The following KMT5B variants were observed in gnomAD, a reference collection of about 807,000 sequenced individuals.
KMT5B encodes lysine methyltransferase 5B, also known as histone-lysine N-methyltransferase KMT5B.
A neutral mutation model predicts 83.2 loss-of-function variants in KMT5B; 10 were observed. The ratio of observed to expected loss-of-function variants is 0.12; its 90% CI spans 0.07 to 0.20. KMT5B has a LOEUF of 0.20. Among genes scored for constraint, KMT5B ranks in the 10% least tolerant of loss-of-function variants. The probability of loss-of-function intolerance (pLI) is 1.00; values close to 1 mark genes in which losing one functional copy is unlikely to be tolerated. For missense variants in KMT5B, 753 were observed against 1,067.2 expected, an observed-to-expected ratio of 0.71 and a Z score of 4.10; for synonymous variants, 349 against 388.8, an observed-to-expected ratio of 0.90 and a Z score of 1.20.
At chr11:68,199,836 C>T (rs544339643) in intron 1 of KMT5B, among the ~76,000 whole-genome samples, 5 of 152,216 alleles carry the variant, frequency 3.3e-5, no homozygotes, top group South Asian at 2.1e-4. Context: ...CGCTGATAGT[C>T]GGGAACTGCT....
intron 10 of KMT5B, 199 bp downstream of exon 10, chr11:68,166,783 G>C: frequency 1.4e-6 from 2 of 1,412,748 alleles, no homozygotes; most frequent in Middle Eastern, 2.6e-4. Context: ...ATAGTCTAGA[G>C]GACGGTACTG....
upstream of KMT5B, chr11:68,213,638 G>C (rs1258200215): frequency 6.5e-6 from 1 of 153,790 alleles, no homozygotes; most frequent in African/African-American, 2.4e-5. Flanking sequence ...GCCGCCCCCG[G>C]TGAGCCGCCT....
chr11:68,211,229 C>CA (rs1210145902), intron 1 of KMT5B, among the ~76,000 whole-genome samples: 1 of 152,210 alleles, frequency 6.6e-6, no homozygotes, highest in Non-Finnish European at 1.5e-5. Flanking sequence ...CTCTCCCTGT[C>CA]AGAGTCCGCT....
In KMT5B at chr11:68,206,060, T is replaced by C. The variant is rs190691984; in HGVS notation, c.-77+7078A>G. Among the ~76,000 whole-genome samples, 807 of 152,336 alleles carry C rather than the reference T, an allele frequency of 5.3e-3. 11 individuals carry two copies. Among genetic ancestry groups the C allele is most frequent in the African/African-American group, 0.019 (770 of 41,576 alleles). On this transcript the variant is annotated intron_variant, in intron 1 of 10. Transcript: ENST00000304363. ...CAATACGTATTTACGACGAGGGATG[T>C]CATGTAAGAAAGACTTCATGTCTTC...
chr11:68,196,995 G>A lies in KMT5B; in HGVS notation c.-76-6843C>T, dbSNP rs535066783. Among the ~76,000 whole-genome samples the A allele has an allele frequency of 4.6e-5, 7 of 150,664 alleles. No individual in the cohort carries two copies. The South Asian group carries it at 1.1e-3, about 23-fold the overall frequency. ...CTTTTTTTTTTTCTTTTTTTGAGAC[G>A]GAGTCTCGCACTGTCCCCAAGTTAG... On this transcript the variant is annotated intron_variant, in intron 1 of 10. Coordinates refer to ENST00000304363, the MANE Select transcript of KMT5B (RefSeq NM_017635.5).
chr11:68,185,370 A>G (rs956760906), intron 3 of KMT5B, among the ~76,000 whole-genome samples: 18 of 151,686 alleles, frequency 1.2e-4, no homozygotes, highest in South Asian at 8.3e-4. Context: ...CTGCCTGGCT[A>G]ATTTTTTTTG....
rs551061144 is a variant in KMT5B, at chr11:68,155,340, A to C, written c.*2348T>G. The C allele has an allele frequency of 3.3e-5, 5 of 152,332 alleles. No homozygotes were observed. In the East Asian group the frequency reaches 9.6e-4, roughly 29 times the overall value. 9.4% of individuals were successfully genotyped at this position (152,332 alleles called of 1,614,324 possible). On this transcript the variant is annotated 3_prime_UTR_variant, in exon 11 of 11. Transcript: ENST00000304363. ...AACAGTGGCTGCTGAGTGCTTGTGCATACCGACTCCTGAGAGGCAGTGATT... is the reference window on the plus strand; with the variant it reads ...AACAGTGGCTGCTGAGTGCTTGTGCCTACCGACTCCTGAGAGGCAGTGATT...
intron 1 of KMT5B, among the ~76,000 whole-genome samples, chr11:68,194,169 G>A (rs980939299): frequency 3.3e-5 from 5 of 151,194 alleles, no homozygotes; most frequent in African/African-American, 1.2e-4. Flanking sequence ...CTAGCACTTC[G>A]GGAGAGCATC....
chr11:68,156,469 AT>A lies in KMT5B; in HGVS notation c.*1218del, dbSNP rs542409487. 6.5e-6 allele frequency: 1 copy of A among 152,684 alleles called. No homozygotes were observed. Among genetic ancestry groups the A allele is most frequent in the African/African-American group, 2.4e-5 (1 of 41,468 alleles). The allele number at this position is 152,684 out of a possible 1,614,324, so 9.5% of individuals were successfully genotyped here. ...TTTAACTGATAATATAGTCAAAAAA[AT>A]CTTTGATGTTTTCATAATAAACTAA... On this transcript the variant is annotated 3_prime_UTR_variant, in exon 11 of 11. Transcript: ENST00000304363.
intron 10 of KMT5B, among the ~76,000 whole-genome samples, chr11:68,161,864 G>A (rs1489855611): frequency 3.3e-5 from 5 of 152,048 alleles, no homozygotes; most frequent in East Asian, 1.9e-4. Context: ...GACAGTTCCC[G>A]AACTCTGGCC....
chr11:68,162,604 T>G (rs1362172956), intron 10 of KMT5B, among the ~76,000 whole-genome samples: 1 of 152,232 alleles, frequency 6.6e-6, no homozygotes, highest in Non-Finnish European at 1.5e-5. Context: ...TTATGGTGAT[T>G]CTGAATTCGG....
Position 68,157,922 on chromosome 11 carries a change from G to A in KMT5B, c.2424C>T (p.Leu808=), listed in dbSNP as rs371381032. Residue 808 remains leucine, a synonymous_variant, in exon 11 of 11, where the codon CTC becomes CTT. Transcript: ENST00000304363. ...NGVCCSDPLS[L]LESRMEVDDY... is the part of the protein sequence containing the mutation. ...CATCCACCTCCATTCGAGACTCCAA[G>A]AGAGAAAGAGGATCACTGCAGCACA... The A allele has an allele frequency of 1.2e-6, 2 of 1,614,084 alleles. No homozygotes were observed. Among genetic ancestry groups the A allele is most frequent in the Non-Finnish European group, 1.7e-6 (2 of 1,179,974 alleles).
chr11:68,208,545 G>C (rs1288168899), intron 1 of KMT5B, among the ~76,000 whole-genome samples: 3 of 152,154 alleles, frequency 2.0e-5, no homozygotes, highest in African/African-American at 7.2e-5. Flanking sequence ...ATAGAGGTCA[G>C]AGCATACTAT....
At chr11:68,204,673 TGG>T (rs1231962087) in intron 1 of KMT5B, among the ~76,000 whole-genome samples, 1 of 139,218 alleles carries the variant, frequency 7.2e-6, no homozygotes, top group African/African-American at 2.7e-5. Context: ...CTGGAGGCAG[TGG>T]TGCGATCTCA....
intron 2 of KMT5B, among the ~76,000 whole-genome samples, chr11:68,187,301 T>C (rs1160986877): frequency 6.6e-6 from 1 of 152,138 alleles, no homozygotes; most frequent in Non-Finnish European, 1.5e-5. Context: ...CCCAGTCTTC[T>C]TTTTTTCACG....
rs1444753314 is a variant in KMT5B, at chr11:68,155,572, CT to C, written c.*2115del. On this transcript the variant is annotated 3_prime_UTR_variant, in exon 11 of 11. Transcript: ENST00000304363. ...AAGGTTTAAGATTTAGTCTCTGAAC[CT>C]CTTCAAAACACCCCAAACTAAGGTG... 6.6e-6 allele frequency: 1 copy of C among 152,158 alleles called. No individual in the cohort carries two copies. The highest frequency in any genetic ancestry group is 1.5e-5 in the Non-Finnish European group (1 of 68,022). The allele number at this position is 152,158 out of a possible 1,614,324, so 9.4% of individuals were successfully genotyped here.
intron 10 of KMT5B, chr11:68,166,412 C>G: frequency 9.8e-6 from 10 of 1,018,168 alleles, no homozygotes; most frequent in African/African-American, 1.7e-5. Flanking sequence ...TCTGGAGTAG[C>G]CAATACAGCA....
At chr11:68,166,676 TCA>T (rs1441529663) in intron 10 of KMT5B, 3 of 1,147,724 alleles carry the variant, frequency 2.6e-6, no homozygotes, top group Non-Finnish European at 3.2e-6. Flanking sequence ...AGCGACATCA[TCA>T]CAGTCTCTAA....
intron 1 of KMT5B, among the ~76,000 whole-genome samples, chr11:68,191,106 C>A (rs535202119): frequency 2.6e-5 from 4 of 152,146 alleles, no homozygotes; most frequent in Admixed American, 2.6e-4. Flanking sequence ...AACCAATCCT[C>A]CCACTCAGCC....
Sources: gnomAD v4.1 joint callset for allele counts (sites outside exome capture counted in the v4.1 genomes callset) on GRCh38, gnomAD v4.1.1 for gene constraint, MANE v1.5 for transcripts, NCBI Gene and HGNC (gene_info 2026-07-23, HGNC 2026-07-21) for gene names.